PIK3C2B: variants seen among roughly 807,000 people sequenced by gnomAD.
PIK3C2B encodes phosphatidylinositol-4-phosphate 3-kinase catalytic subunit type 2 beta.
PIK3C2B carries 83 observed loss-of-function variants against 184.3 expected under a neutral mutation model. The observed-to-expected ratio is 0.45, with a 90% CI of 0.38 to 0.54. The LOEUF is 0.54. Among genes scored for constraint, PIK3C2B ranks in the 20% least tolerant of loss-of-function variants. The probability of loss-of-function intolerance (pLI) is 0.00; values close to 1 mark genes in which losing one functional copy is unlikely to be tolerated. For missense variants in PIK3C2B, 1,736 were observed against 2,113.5 expected (o/e 0.82, Z 3.50); for synonymous variants, 779 against 837.6 (o/e 0.93, Z 1.21).
At chr1:204,460,780 C>T (rs928252054) in intron 5 of PIK3C2B, 119 bp from the exon 6 acceptor site, 15 of 678,144 alleles carry the variant, frequency 2.2e-5, no homozygotes, top group African/African-American at 1.6e-4. Context: ...GGGTAGTACC[C>T]GTGTTGTACC....
intron 1 of PIK3C2B, among the ~76,000 whole-genome samples, chr1:204,486,134 G>A (rs947650870): frequency 1.6e-4 from 24 of 152,124 alleles, no homozygotes; most frequent in Non-Finnish European, 2.6e-4. Flanking sequence ...GGTGGCTCAC[G>A]CCTGTAATCC....
chr1:204,440,380 C>A (rs1000289165), intron 21 of PIK3C2B, 59 bp from the exon 22 acceptor site: 4 of 1,507,508 alleles, frequency 2.7e-6, no homozygotes, highest in South Asian at 2.6e-5. Flanking sequence ...GCTCTCAGGT[C>A]TCCCAAGTGC....
At chr1:204,470,605 A>C (rs549204163) in intron 1 of PIK3C2B, among the ~76,000 whole-genome samples, 7 of 152,240 alleles carry the variant, frequency 4.6e-5, no homozygotes, top group Non-Finnish European at 1.0e-4. Context: ...CAGGTTCTTA[A>C]AAAGGTCAAC....
At position 204,447,566 on chromosome 1, in the gene PIK3C2B, TG is replaced by T; in HGVS notation, c.2358del (p.Thr787ProfsTer64). On this transcript the variant is annotated frameshift_variant, in exon 15 of 33. Coordinates refer to ENST00000684373, the MANE Select transcript of PIK3C2B (RefSeq NM_001377334.1). LOFTEE classifies it high-confidence loss of function. This position sits in a 1 kb window ranked among gnomAD's most constrained non-coding sequence, Gnocchi z 4.1. Reference sequence around the variant, plus strand: ...GTGAACTTGATGTCAAAGGCCGAGGTGGGGAAGTCAATCTGGGGGATGAGAT... The same window carrying T: ...GTGAACTTGATGTCAAAGGCCGAGGTGGGAAGTCAATCTGGGGGATGAGAT... ...PDSVILQIDF[P>X]TSAFDIKFTS... 1 of 1,604,446 alleles carries T rather than the reference TG, an allele frequency of 6.2e-7. No individual in the cohort carries two copies.
intron 12 of PIK3C2B, among the ~76,000 whole-genome samples, chr1:204,450,666 C>A (rs1452112857): frequency 6.6e-6 from 1 of 152,184 alleles, no homozygotes; most frequent in Non-Finnish European, 1.5e-5. Context: ...GGTGAGAAAG[C>A]CAATGGCAGG....
At chr1:204,464,358 G>A in intron 4 of PIK3C2B, 92 bp downstream of exon 4, 2 of 1,311,600 alleles carry the variant, frequency 1.5e-6, no homozygotes, top group Admixed American at 2.0e-5. Flanking sequence ...CTTCATCTGG[G>A]CCACAAGATG....
At chr1:204,487,836 C>A (rs1657729768) in intron 1 of PIK3C2B, among the ~76,000 whole-genome samples, 1 of 152,110 alleles carries the variant, frequency 6.6e-6, no homozygotes. Flanking sequence ...GAAACTCATC[C>A]ATTTACCTGC....
At chr1:204,450,274 T>C in intron 12 of PIK3C2B, 1 of 411,212 alleles carries the variant, frequency 2.4e-6, no homozygotes, top group Non-Finnish European at 4.4e-6. Context: ...ATCCCGATTT[T>C]GAAGCTACCC....
chr1:204,489,727 T>C (rs1331203036), intron 1 of PIK3C2B: 6 of 392,134 alleles, frequency 1.5e-5, no homozygotes, highest in Non-Finnish European at 2.2e-5. Flanking sequence ...ATGAGGGCTC[T>C]TAGGGAGACG....
At chr1:204,470,168 CTT>C (rs34940315) in intron 1 of PIK3C2B, among the ~76,000 whole-genome samples, 16 of 138,132 alleles carry the variant, frequency 1.2e-4, no homozygotes, top group Admixed American at 2.9e-4. Flanking sequence ...AGAGAGGCAC[CTT>C]TTTTTTTTTT....
intron 28 of PIK3C2B, among the ~76,000 whole-genome samples, chr1:204,430,370 G>T (rs1350841197): frequency 1.3e-5 from 2 of 151,208 alleles, no homozygotes; most frequent in Admixed American, 1.3e-4. Context: ...TTTTGAGATG[G>T]AGTCTCGCTC....
At chr1:204,431,251 G>T in intron 28 of PIK3C2B, 14 of 238,850 alleles carry the variant, frequency 5.9e-5, no homozygotes, top group Non-Finnish European at 8.3e-5. Context: ...TTGTTTTTTT[G>T]TGACTGGCTT....
Position 204,464,560 on chromosome 1 carries a change from T to A in PIK3C2B, c.1079A>T (p.Tyr360Phe). 1 of 1,613,964 alleles carries A rather than the reference T, an allele frequency of 6.2e-7. No individual in the cohort carries two copies. Reference sequence around the variant, plus strand: ...GCTAGGGGTGACAGCACTCCAGACATAGCCAGTGAGGAAGTAGTCTTGGAT... The same window carrying A: ...GCTAGGGGTGACAGCACTCCAGACAAAGCCAGTGAGGAAGTAGTCTTGGAT... ...SDIQDYFLTG[Y>F]VWSAVTPSPE... is the part of the protein sequence containing the mutation. Residue 360 changes from tyrosine (Y) to phenylalanine (F), a missense_variant, in exon 4 of 33, where the codon TAT (tyrosine) becomes TTT (phenylalanine). Physicochemically the swap from Tyr to Phe is conservative, Grantham distance 22. Around this residue, in one of 8 missense-constraint regions of PIK3C2B, gnomAD observed 609 missense variants for 699.2 expected, o/e 0.87. Coordinates refer to ENST00000684373, the MANE Select transcript of PIK3C2B (RefSeq NM_001377334.1).
chr1:204,469,117 T>C lies in PIK3C2B; in HGVS notation c.686A>G (p.Asp229Gly), dbSNP rs963789348. The C allele has an allele frequency of 6.2e-7, 1 of 1,614,134 alleles. No homozygotes were observed. The highest frequency in any genetic ancestry group is 8.5e-7 in the Non-Finnish European group (1 of 1,179,992). Residue 229 changes from aspartate to glycine, a missense_variant, in exon 2 of 33, where the codon GAT (aspartate) becomes GGT (glycine). By Grantham distance (94) the Asp-to-Gly change is moderately conservative. Coordinates refer to ENST00000684373, the MANE Select transcript of PIK3C2B (RefSeq NM_001377334.1). ...CCTAGTAATTGCATCATTGATACCA[T>C]CATAGTCCACAGACCCCAGTAGGCG... is the stretch of plus-strand genomic sequence containing the variant. ...QGRLLGSVDYDGINDAITRLN... is the reference protein window; with the variant it reads ...QGRLLGSVDYGGINDAITRLN...
chr1:204,489,532 A>G (rs766097133), intron 1 of PIK3C2B, among the ~76,000 whole-genome samples: 1 of 151,942 alleles, frequency 6.6e-6, no homozygotes, highest in Admixed American at 6.6e-5. Context: ...TGAAAATCTA[A>G]TATCTCTGGC....
In PIK3C2B at chr1:204,434,626, A is replaced by C. The variant is rs773045426; in HGVS notation, c.3517-18T>G. The C allele has an allele frequency of 6.3e-7, 1 of 1,597,904 alleles. No homozygotes were observed. The highest frequency in any genetic ancestry group is 1.7e-5 in the Admixed American group (1 of 58,950). ...TCCACAGCCTGGGAGGGGTCAAGGC[A>C]GATGGGAGGAGAGGACATAAAGCTG... is the stretch of plus-strand genomic sequence containing the variant. On this transcript the variant is annotated intron_variant, in intron 23 of 32. Transcript: ENST00000684373.
chr1:204,468,885 C>A lies in PIK3C2B; in HGVS notation c.918G>T (p.Arg306=). 1 of 1,587,290 alleles carries A rather than the reference C, an allele frequency of 6.3e-7. No individual in the cohort carries two copies. Among genetic ancestry groups the A allele is most frequent in the Non-Finnish European group, 8.6e-7 (1 of 1,165,880 alleles). The stretch of plus-strand genomic sequence containing the variant: ...AGGTCCTCACCGGGGCTGCAGAAAT[C>A]CGGCGGTTCTTGCCAGGCGTCGCAT... ...RKNATPGKNR[R]ISAAPVGSRP... is the part of the protein sequence containing the mutation. The change falls in exon 2 of 33, where the codon CGG becomes CGT. Residue 306 remains arginine, a synonymous_variant. Transcript: ENST00000684373.
At chr1:204,489,484 T>A (rs1255578392) in intron 1 of PIK3C2B, among the ~76,000 whole-genome samples, 66 of 146,568 alleles carry the variant, frequency 4.5e-4, no homozygotes, top group Admixed American at 1.1e-3. Context: ...TCTTTTAATT[T>A]AAAAAAAAAA....
At chr1:204,454,518 A>C in intron 12 of PIK3C2B, 151 bp downstream of exon 12, 1 of 656,906 alleles carries the variant, frequency 1.5e-6, no homozygotes, top group Non-Finnish European at 2.5e-6. Flanking sequence ...GGAAGTGGAG[A>C]CTCAAGAGGT....
Sources: gnomAD v4.1 joint callset for allele counts (sites outside exome capture counted in the v4.1 genomes callset) on GRCh38, gnomAD v4.1.1 for gene constraint, gnomAD v4.1.1 regional missense constraint, Gnocchi (gnomAD v3.1) non-coding constraint, MANE v1.5 for transcripts, NCBI Gene and HGNC (gene_info 2026-07-23, HGNC 2026-07-21) for gene names.